Variants in CEP128 observed in about 807,000 individuals in gnomAD.
The protein encoded by CEP128 is centrosomal protein 128.
A neutral mutation model predicts 156.7 loss-of-function variants in CEP128; 132 were observed. The observed-to-expected ratio is 0.84, with a 90% CI of 0.73 to 0.97. CEP128 has a LOEUF of 0.97. Among genes scored for constraint, CEP128 ranks in the 50% least tolerant of loss-of-function variants. The probability of loss-of-function intolerance (pLI) is 0.00; values close to 1 mark genes in which losing one functional copy is unlikely to be tolerated. For missense variants in CEP128, 1,252 were observed against 1,281.9 expected, an observed-to-expected ratio of 0.98 and a Z score of 0.36; for synonymous variants, 469 against 448.9, an observed-to-expected ratio of 1.04 and a Z score of -0.57.
intron 9 of CEP128, among the ~76,000 whole-genome samples, chr14:80,860,304 A>G (rs969249525): frequency 1.3e-5 from 2 of 152,198 alleles, no homozygotes; most frequent in African/African-American, 4.8e-5. Flanking sequence ...ACAAAATATG[A>G]AATTAAATAG....
At chr14:80,599,438 A>G (rs1892489522) in intron 19 of CEP128, among the ~76,000 whole-genome samples, 1 of 151,422 alleles carries the variant, frequency 6.6e-6, no homozygotes, top group Admixed American at 6.6e-5. Context: ...ACGCCCGGCT[A>G]ATTTTTTTTG....
At chr14:80,552,383 G>A (rs1336846396) in intron 21 of CEP128, among the ~76,000 whole-genome samples, 3 of 151,778 alleles carry the variant, frequency 2.0e-5, no homozygotes, top group African/African-American at 7.3e-5. Context: ...ATTTGTGCCT[G>A]ACTACCTCTT....
chr14:80,485,443 G>C (rs1488485099), intron 14 of CEP128, among the ~76,000 whole-genome samples: 3 of 152,068 alleles, frequency 2.0e-5, no homozygotes. Flanking sequence ...ATATGAATGA[G>C]TAATGAAAGT....
chr14:80,690,591 C>T (rs562754384), intron 19 of CEP128, among the ~76,000 whole-genome samples: 1 of 152,236 alleles, frequency 6.6e-6, no homozygotes, highest in African/African-American at 2.4e-5. Context: ...TCATGCCATA[C>T]AGCTGTGTGA....
chr14:80,859,328 A>T (rs1461155268), intron 9 of CEP128, among the ~76,000 whole-genome samples: 2 of 146,118 alleles, frequency 1.4e-5, no homozygotes, highest in African/African-American at 5.0e-5. Context: ...ATTCTCACTC[A>T]TAGGTGGGAA....
intron 16 of CEP128, among the ~76,000 whole-genome samples, chr14:80,777,663 T>A (rs541097469): frequency 7.2e-5 from 11 of 152,166 alleles, no homozygotes; most frequent in African/African-American, 2.4e-4. Context: ...ACAGAAAAAA[T>A]TTAAAATCAA....
intron 24 of CEP128, among the ~76,000 whole-genome samples, chr14:80,501,347 G>T (rs551684245): frequency 3.3e-4 from 50 of 152,130 alleles, no homozygotes; most frequent in East Asian, 1.9e-4. Context: ...ACGAATGAAG[G>T]ATTTTTCAAC....
intron 19 of CEP128, among the ~76,000 whole-genome samples, chr14:80,680,333 C>T (rs1896268039): frequency 6.6e-6 from 1 of 152,102 alleles, no homozygotes; most frequent in Non-Finnish European, 1.5e-5. Flanking sequence ...AAGCAGAAAG[C>T]CAGGTATTTG....
chr14:80,814,902 C>T (rs1595444776), intron 13 of CEP128, among the ~76,000 whole-genome samples: 1 of 152,122 alleles, frequency 6.6e-6, no homozygotes, highest in East Asian at 1.9e-4. Context: ...ACTAAAAATA[C>T]AAAAAATTAG....
chr14:80,795,256 G>A (rs1290101755), intron 13 of CEP128, among the ~76,000 whole-genome samples: 1 of 152,124 alleles, frequency 6.6e-6, no homozygotes, highest in Admixed American at 6.5e-5. Context: ...TTTAAAGCAA[G>A]GGGTTCCTGA....
chr14:80,845,135 T>C (rs537437818), intron 9 of CEP128, among the ~76,000 whole-genome samples: 1 of 152,148 alleles, frequency 6.6e-6, no homozygotes, highest in African/African-American at 2.4e-5. Flanking sequence ...TGTTGACAAG[T>C]GTCAGGATTT....
At chr14:80,850,190 G>C (rs577513273) in intron 9 of CEP128, among the ~76,000 whole-genome samples, 14 of 152,100 alleles carry the variant, frequency 9.2e-5, no homozygotes, top group African/African-American at 3.1e-4. Flanking sequence ...TACACAATGT[G>C]TCATACTTTT....
At chr14:80,800,367 T>C (rs542628338) in intron 13 of CEP128, among the ~76,000 whole-genome samples, 3 of 152,348 alleles carry the variant, frequency 2.0e-5, no homozygotes, top group South Asian at 4.1e-4. Flanking sequence ...GAACTTTTTA[T>C]ATCTTGCTAG....
At chr14:80,831,932 C>A (rs913510599) in intron 12 of CEP128, among the ~76,000 whole-genome samples, 1 of 152,166 alleles carries the variant, frequency 6.6e-6, no homozygotes, top group Non-Finnish European at 1.5e-5. Flanking sequence ...TGGCTCTGCC[C>A]CACTCAAATC....
Position 80,895,795 on chromosome 14 carries a change from G to GACGA in CEP128, c.573-6_573-5insTCGT. The GACGA allele has an allele frequency of 1.9e-6, 2 of 1,058,220 alleles. No individual in the cohort carries two copies. The highest frequency in any genetic ancestry group is 2.4e-6 in the Non-Finnish European group (2 of 832,688). 65.6% of individuals were successfully genotyped at this position (1,058,220 alleles called of 1,614,324 possible). A position where few individuals can be genotyped will look rare whatever the true frequency, so the allele number is the denominator to read the frequency against. On this transcript the variant is annotated splice_region_variant and splice_polypyrimidine_tract_variant and intron_variant, in intron 7 of 24. Transcript: ENST00000555265. ...CTTTTTGTTTCGGCATCTGACCTAG[G>GACGA]AAGAAAAAAAAAAAAAAGATTTAAA... is the stretch of plus-strand genomic sequence containing the variant.
chr14:80,916,349 A>T, intron 3 of CEP128, 52 bp downstream of exon 3: 1 of 1,433,094 alleles, frequency 7.0e-7, no homozygotes, highest in Non-Finnish European at 9.7e-7. Context: ...TGAAACTATT[A>T]AGCAGCTCAA....
intron 19 of CEP128, among the ~76,000 whole-genome samples, chr14:80,678,163 C>T (rs557726007): frequency 6.6e-6 from 1 of 151,440 alleles, no homozygotes; most frequent in Admixed American, 6.6e-5. Context: ...GCTGAGAGCC[C>T]TCATTTCAAT....
At chr14:80,895,122 T>C (rs558555635) in intron 8 of CEP128, among the ~76,000 whole-genome samples, 1 of 152,032 alleles carries the variant, frequency 6.6e-6, no homozygotes, top group Non-Finnish European at 1.5e-5. Flanking sequence ...ATAGACTGTA[T>C]TTTTTTACCT....
intron 19 of CEP128, among the ~76,000 whole-genome samples, chr14:80,642,016 G>C (rs1329902402): frequency 7.0e-6 from 1 of 143,754 alleles, no homozygotes; most frequent in African/African-American, 2.6e-5. Context: ...TGTGAACCCG[G>C]GAGGCGGAGC....
Sources: gnomAD v4.1 joint callset for allele counts (sites outside exome capture counted in the v4.1 genomes callset) on GRCh38, gnomAD v4.1.1 for gene constraint, MANE v1.5 for transcripts, NCBI Gene and HGNC (gene_info 2026-07-23, HGNC 2026-07-21) for gene names.